Variants in COL25A1 observed in about 807,000 individuals in gnomAD.
The protein encoded by COL25A1 is collagen type XXV alpha 1 chain, also known as collagen alpha-1(XXV) chain.
COL25A1 carries 103 observed loss-of-function variants against 128.4 expected under a neutral mutation model. The ratio of observed to expected loss-of-function variants is 0.80; its 90% CI spans 0.68 to 0.94. The LOEUF (loss-of-function observed/expected upper bound fraction) is 0.94. Among genes scored for constraint, COL25A1 ranks in the 40% least tolerant of loss-of-function variants. The pLI is 0.00. For missense variants in COL25A1, 745 were observed against 840.0 expected (o/e 0.89, Z 1.40); for synonymous variants, 279 against 277.2 (o/e 1.01, Z -0.06).
chr4:108,919,528 A>C (rs1745254544), intron 12 of COL25A1, among the ~76,000 whole-genome samples: 1 of 152,142 alleles, frequency 6.6e-6, no homozygotes. Flanking sequence ...TCTATCTTTG[A>C]TGGATTCCAA....
chr4:108,994,979 C>T (rs1034827393), intron 6 of COL25A1, among the ~76,000 whole-genome samples: 9 of 152,240 alleles, frequency 5.9e-5, no homozygotes, highest in Non-Finnish European at 1.5e-5. Flanking sequence ...ACATCAAAGA[C>T]CAAAGGTAGA....
intron 5 of COL25A1, among the ~76,000 whole-genome samples, chr4:109,041,372 TAAAAAAAAATCCCC>T (rs1759879907): frequency 6.6e-6 from 1 of 151,206 alleles, no homozygotes. Flanking sequence ...CCCCCTTTTT[TAAAAAAAAATCCCC>T]TTCCTTTAAT....
intron 3 of COL25A1, among the ~76,000 whole-genome samples, chr4:109,053,991 G>A (rs937329361): frequency 6.6e-6 from 1 of 152,152 alleles, no homozygotes; most frequent in African/African-American, 2.4e-5. Context: ...ATCTCATTAC[G>A]AGAATGGCTT....
intron 5 of COL25A1, among the ~76,000 whole-genome samples, chr4:109,031,093 T>G (rs752673): frequency 0.27 from 41,310 of 151,838 alleles, 6,259 homozygotes; most frequent in East Asian, 0.55. Context: ...CCTGTTTTCT[T>G]ATGCCACACA....
intron 10 of COL25A1, 149 bp downstream of exon 10, chr4:108,940,390 C>T: frequency 1.4e-6 from 1 of 720,414 alleles, no homozygotes; most frequent in Non-Finnish European, 2.5e-6. Context: ...TTCCCTCAAC[C>T]TACTCCACTC....
intron 3 of COL25A1, among the ~76,000 whole-genome samples, chr4:109,246,874 C>G (rs1780301187): frequency 6.6e-6 from 1 of 152,050 alleles, no homozygotes; most frequent in Non-Finnish European, 1.5e-5. Context: ...GGAAAATGCA[C>G]AAAATATGCC....
intron 3 of COL25A1, among the ~76,000 whole-genome samples, chr4:109,271,189 G>A (rs761820615): frequency 6.6e-6 from 1 of 151,864 alleles, no homozygotes; most frequent in Non-Finnish European, 1.5e-5. Flanking sequence ...TATTATTATT[G>A]TTACACAAAA....
chr4:108,944,710 T>A (rs577472710), intron 8 of COL25A1, among the ~76,000 whole-genome samples: 10 of 151,784 alleles, frequency 6.6e-5, no homozygotes, highest in Admixed American at 2.6e-4. Context: ...AAAAAAAGCC[T>A]TAAGTTTTAT....
intron 3 of COL25A1, among the ~76,000 whole-genome samples, chr4:109,230,284 C>T (rs1055710071): frequency 1.3e-5 from 2 of 152,172 alleles, no homozygotes; most frequent in Admixed American, 6.5e-5. Context: ...CTCTCACCAT[C>T]ATGGTCAATA....
chr4:108,850,755 C>CGAGTA (rs1553950050), intron 26 of COL25A1, among the ~76,000 whole-genome samples: 1 of 151,946 alleles, frequency 6.6e-6, no homozygotes, highest in Non-Finnish European at 1.5e-5. Flanking sequence ...TAGTCCTTAC[C>CGAGTA]ATAGAGTAGA....
chr4:108,878,049 T>C (rs756979722), intron 19 of COL25A1, among the ~76,000 whole-genome samples: 2 of 152,168 alleles, frequency 1.3e-5, no homozygotes, highest in East Asian at 1.9e-4. Flanking sequence ...GCTTCATTCA[T>C]ACAGAAATGA....
At chr4:109,186,909 T>A (rs1775191938) in intron 3 of COL25A1, among the ~76,000 whole-genome samples, 1 of 152,146 alleles carries the variant, frequency 6.6e-6, no homozygotes, top group Non-Finnish European at 1.5e-5. Context: ...AAAACTGTAT[T>A]CATCTAACTC....
intron 6 of COL25A1, among the ~76,000 whole-genome samples, chr4:108,977,456 T>C (rs1330375313): frequency 6.6e-6 from 1 of 152,242 alleles, no homozygotes; most frequent in East Asian, 1.9e-4. Context: ...TTAAGGACTT[T>C]ATTCAATTAT....
At chr4:109,014,594 CA>C (rs1757035460) in intron 5 of COL25A1, among the ~76,000 whole-genome samples, 1 of 152,016 alleles carries the variant, frequency 6.6e-6, no homozygotes, top group African/African-American at 2.4e-5. Flanking sequence ...ATAAAATATA[CA>C]TTGCATTATG....
intron 3 of COL25A1, among the ~76,000 whole-genome samples, chr4:109,051,279 T>G (rs1250262016): frequency 6.6e-6 from 1 of 152,098 alleles, no homozygotes; most frequent in Admixed American, 6.6e-5. Flanking sequence ...GGAAACACTA[T>G]CATGAGAAAC....
At chr4:108,898,977 CTATATCTATATATCTA>C (rs200934434) in intron 15 of COL25A1, among the ~76,000 whole-genome samples, 161 bp downstream of exon 15, 3,840 of 109,246 alleles carry the variant, frequency 0.035, 152 homozygotes, top group African/African-American at 0.11. Context: ...GGAGTCATAT[CTATATCTATATATCTA>C]TATATCTATA....
At chr4:108,832,186 G>A (rs547641939) in intron 32 of COL25A1, among the ~76,000 whole-genome samples, 194 bp downstream of exon 32, 15 of 152,250 alleles carry the variant, frequency 9.9e-5, no homozygotes, top group East Asian at 1.9e-4. Flanking sequence ...TAAGGCAGCC[G>A]TGTTCTATTT....
chr4:109,032,625 G>A (rs1167948608), intron 5 of COL25A1, among the ~76,000 whole-genome samples: 3 of 152,270 alleles, frequency 2.0e-5, no homozygotes, highest in East Asian at 1.9e-4. Flanking sequence ...TGCAATTAGC[G>A]ATGCTGAGAT....
At chr4:108,983,919 G>C (rs1034061278) in intron 6 of COL25A1, among the ~76,000 whole-genome samples, 1 of 152,158 alleles carries the variant, frequency 6.6e-6, no homozygotes, top group Admixed American at 6.5e-5. Context: ...CCACAGTGTG[G>C]AAGGGGACCC....
Sources: gnomAD v4.1 joint callset for allele counts (sites outside exome capture counted in the v4.1 genomes callset) on GRCh38, gnomAD v4.1.1 for gene constraint, MANE v1.5 for transcripts, NCBI Gene and HGNC (gene_info 2026-07-23, HGNC 2026-07-21) for gene names.